ZNF385D: variants seen among roughly 807,000 people sequenced by gnomAD.
The protein encoded by ZNF385D is zinc finger protein 659.
Under a neutral mutation model 35.8 loss-of-function variants are expected in ZNF385D, and 15 were observed. The ratio of observed to expected loss-of-function variants is 0.42; its 90% confidence interval spans 0.28 to 0.64. The LOEUF is 0.64. ZNF385D is among the 30% of genes least tolerant of loss of function. ZNF385D has a pLI of 0.23. For synonymous variants in ZNF385D, 212 were observed against 186.8 expected (o/e 1.13, Z -1.10); for missense variants, 474 against 494.6 (o/e 0.96, Z 0.39).
chr3:21,659,639 C>T (rs1462147523), intron 2 of ZNF385D, among the ~76,000 whole-genome samples: 5 of 152,098 alleles, frequency 3.3e-5, no homozygotes. Context: ...TTTCCCCCGT[C>T]TGTCCTCTTC....
intron 2 of ZNF385D, among the ~76,000 whole-genome samples, chr3:22,271,979 C>T (rs1701201258): frequency 6.6e-6 from 1 of 152,022 alleles, no homozygotes; most frequent in Non-Finnish European, 1.5e-5. Flanking sequence ...GATACTCTCT[C>T]AGCAATCATG....
intron 2 of ZNF385D, among the ~76,000 whole-genome samples, chr3:22,263,921 T>C (rs1700761009): frequency 6.6e-6 from 1 of 152,004 alleles, no homozygotes; most frequent in South Asian, 2.1e-4. Flanking sequence ...TCAAGGATGA[T>C]AAATTCTGCC....
At chr3:21,736,417 GA>G (rs2069245017) in intron 1 of ZNF385D, among the ~76,000 whole-genome samples, 1 of 152,134 alleles carries the variant, frequency 6.6e-6, no homozygotes. Flanking sequence ...CTGAAATGTG[GA>G]ATAATATAAA....
intron 3 of ZNF385D, among the ~76,000 whole-genome samples, chr3:21,871,687 A>C (rs1159219122): frequency 1.3e-5 from 2 of 152,134 alleles, no homozygotes; most frequent in Admixed American, 6.6e-5. Context: ...TTTCTTTAAG[A>C]AAACTGAACT....
At chr3:21,867,326 G>GGATACATTCAGACCTTAGCACCCATTAA (rs1697423654) in intron 3 of ZNF385D, among the ~76,000 whole-genome samples, 1 of 152,020 alleles carries the variant, frequency 6.6e-6, no homozygotes, top group Non-Finnish European at 1.5e-5. Flanking sequence ...GAATTTGGAG[G>GGATACATTCAGACCTTAGCACCCATTAA]GATACATTCA....
intron 3 of ZNF385D, among the ~76,000 whole-genome samples, chr3:21,797,384 C>T (rs1313011083): frequency 6.6e-6 from 1 of 152,108 alleles, no homozygotes. Flanking sequence ...TGATTCATTG[C>T]TAGTGGAAAC....
At chr3:21,872,431 TATTGA>T (rs1697744144) in intron 3 of ZNF385D, among the ~76,000 whole-genome samples, 1 of 152,168 alleles carries the variant, frequency 6.6e-6, no homozygotes, top group African/African-American at 2.4e-5. Context: ...AATGAAAATC[TATTGA>T]ATTGAAGATA....
chr3:22,156,686 C>T (rs1206525382), intron 3 of ZNF385D, among the ~76,000 whole-genome samples: 2 of 152,102 alleles, frequency 1.3e-5, no homozygotes, highest in South Asian at 2.1e-4. Flanking sequence ...AACTGAGCCA[C>T]AGCCATCTCT....
chr3:22,206,500 T>C (rs1697164046), intron 2 of ZNF385D, among the ~76,000 whole-genome samples: 1 of 151,992 alleles, frequency 6.6e-6, no homozygotes, highest in African/African-American at 2.4e-5. Flanking sequence ...ATATGAATCA[T>C]TCTTAAGGAT....
intron 3 of ZNF385D, among the ~76,000 whole-genome samples, chr3:21,997,871 G>A (rs540153651): frequency 3.5e-4 from 19 of 53,798 alleles, no homozygotes; most frequent in Non-Finnish European, 5.7e-4. Context: ...GCGCGCGCGC[G>A]CGTGTGTGTG....
At chr3:22,017,687 G>T (rs543687964) in intron 3 of ZNF385D, among the ~76,000 whole-genome samples, 18 of 151,816 alleles carry the variant, frequency 1.2e-4, no homozygotes, top group Non-Finnish European at 2.2e-4. Flanking sequence ...GAATTGTAAA[G>T]TGGTTCACTT....
intron 2 of ZNF385D, among the ~76,000 whole-genome samples, chr3:22,238,018 T>C (rs967403106): frequency 6.6e-6 from 1 of 151,070 alleles, no homozygotes; most frequent in Admixed American, 6.6e-5. Flanking sequence ...ATTTTTTTGA[T>C]GTGGAAATCC....
chr3:21,904,344 T>C (rs1190275239), intron 3 of ZNF385D, among the ~76,000 whole-genome samples: 2 of 150,934 alleles, frequency 1.3e-5, no homozygotes, highest in Non-Finnish European at 2.9e-5. Flanking sequence ...AGCTCAAGAT[T>C]CAATATGCAT....
intron 3 of ZNF385D, among the ~76,000 whole-genome samples, chr3:21,859,236 G>T (rs1337151278): frequency 1.3e-5 from 2 of 151,914 alleles, no homozygotes; most frequent in Non-Finnish European, 2.9e-5. Flanking sequence ...CTCAAAGAAC[G>T]TCCCTCAGCA....
chr3:22,063,727 T>C (rs1481571093), intron 3 of ZNF385D, among the ~76,000 whole-genome samples: 1 of 152,126 alleles, frequency 6.6e-6, no homozygotes, highest in Non-Finnish European at 1.5e-5. Flanking sequence ...TAGCTGAAAA[T>C]AGGCGTCTCA....
intron 2 of ZNF385D, among the ~76,000 whole-genome samples, chr3:21,621,581 G>GTGTGTGTGTA (rs1365732266): frequency 6.6e-6 from 1 of 151,182 alleles, no homozygotes; most frequent in African/African-American, 2.4e-5. Flanking sequence ...GTGTGTGTGT[G>GTGTGTGTGTA]TGTGTGCAGT....
intron 3 of ZNF385D, among the ~76,000 whole-genome samples, chr3:21,762,517 A>T (rs749630132): frequency 4.9e-4 from 75 of 152,106 alleles, no homozygotes; most frequent in Non-Finnish European, 8.1e-4. Context: ...AATGCCCTTT[A>T]TCACTTGGAT....
At chr3:22,364,543 A>T (rs901734071) in intron 2 of ZNF385D, among the ~76,000 whole-genome samples, 3 of 152,218 alleles carry the variant, frequency 2.0e-5, no homozygotes, top group Admixed American at 2.0e-4. Context: ...TCAAAACTAC[A>T]ATTAGATACC....
chr3:21,864,163 C>T (rs537812364), intron 3 of ZNF385D, among the ~76,000 whole-genome samples: 2 of 152,166 alleles, frequency 1.3e-5, no homozygotes, highest in Admixed American at 1.3e-4. Context: ...GTTGAATTCT[C>T]AACCAGTCCT....
Sources: gnomAD v4.1 joint callset for allele counts (sites outside exome capture counted in the v4.1 genomes callset) on GRCh38, gnomAD v4.1.1 for gene constraint, MANE v1.5 for transcripts, NCBI Gene and HGNC (gene_info 2026-07-23, HGNC 2026-07-21) for gene names.